The following TADA3 variants were observed in gnomAD, a reference collection of about 807,000 sequenced individuals.
TADA3 encodes the protein transcriptional adapter 3.
In TADA3, 25 loss-of-function variants were observed where a neutral mutation model predicts 43.2. The ratio of observed to expected loss-of-function variants is 0.58; its 90% CI spans 0.42 to 0.81. The LOEUF (loss-of-function observed/expected upper bound fraction) is 0.81. Ranked by LOEUF, TADA3 falls within the 30% of genes least tolerant of loss-of-function variation. TADA3 has a pLI of 0.00. For missense variants in TADA3, 441 were observed against 567.8 expected (o/e 0.78, Z 2.27); for synonymous variants, 235 against 225.5 (o/e 1.04, Z -0.38).
chr3:9,791,005 T>C (rs2078717114), intron 2 of TADA3, among the ~76,000 whole-genome samples: 1 of 152,188 alleles, frequency 6.6e-6, no homozygotes, highest in Non-Finnish European at 1.5e-5. Flanking sequence ...CTCTAATGAC[T>C]AGCATAGGAC....
intron 6 of TADA3, among the ~76,000 whole-genome samples, chr3:9,786,489 G>C (rs181623704): frequency 3.0e-4 from 45 of 152,270 alleles, no homozygotes; most frequent in Admixed American, 1.1e-3. Flanking sequence ...AGGTCAACCA[G>C]CAGGTATAAA....
upstream of TADA3, chr3:9,792,689 A>T (rs2078769119): frequency 8.1e-7 from 1 of 1,233,316 alleles, no homozygotes; most frequent in Non-Finnish European, 1.0e-6. Flanking sequence ...AGCCCCGCCG[A>T]GCGCCAGGAG....
At chr3:9,789,068 T>C (rs918349827) in intron 4 of TADA3, among the ~76,000 whole-genome samples, 7 of 151,708 alleles carry the variant, frequency 4.6e-5, no homozygotes, top group Admixed American at 2.0e-4. Flanking sequence ...ATTCCTGAGC[T>C]CAAGCAATCT....
At chr3:9,781,403 C>T (rs1288281823) in intron 8 of TADA3, 1 of 426,530 alleles carries the variant, frequency 2.3e-6, no homozygotes, top group Admixed American at 2.4e-5. Context: ...TCATATGTTA[C>T]CCGTGAGGAA....
intron 7 of TADA3, among the ~76,000 whole-genome samples, chr3:9,784,524 G>A (rs909539714): frequency 2.6e-5 from 4 of 151,588 alleles, no homozygotes; most frequent in African/African-American, 4.9e-5. Context: ...CTAATCTTTT[G>A]CTACATATTA....
intron 6 of TADA3, among the ~76,000 whole-genome samples, 173 bp from the exon 7 acceptor site, chr3:9,785,598 A>C (rs1329891216): frequency 6.6e-6 from 1 of 152,216 alleles, no homozygotes; most frequent in Non-Finnish European, 1.5e-5. Flanking sequence ...CATTCTAGAA[A>C]TCCCTTTTAT....
intron 4 of TADA3, chr3:9,788,084 A>G (rs2078657075): frequency 8.7e-6 from 2 of 230,228 alleles, no homozygotes; most frequent in Non-Finnish European, 1.8e-5. Context: ...GATCCTGTAG[A>G]TAACGGGAGG....
intron 7 of TADA3, among the ~76,000 whole-genome samples, chr3:9,784,495 A>G (rs1575298196): frequency 6.6e-6 from 1 of 152,238 alleles, no homozygotes; most frequent in Non-Finnish European, 1.5e-5. Context: ...TATATTCCAG[A>G]TTTTGTTATA....
At chr3:9,790,019 T>G in intron 2 of TADA3, 56 bp from the exon 3 acceptor site, 24 of 1,515,946 alleles carry the variant, frequency 1.6e-5, no homozygotes, top group Non-Finnish European at 2.0e-5. Flanking sequence ...AGAATATCTC[T>G]TTCCTCTAGT....
In TADA3 at chr3:9,780,532, A is replaced by G; in HGVS notation, c.1124T>C (p.Val375Ala). Residue 375 changes from valine to alanine, a missense_variant, in exon 9 of 9, where the codon GTG (valine) becomes GCG (alanine). Coordinates refer to ENST00000301964, the MANE Select transcript of TADA3 (RefSeq NM_006354.5). ...HDLLRLAKEE[V>A]SRQELRQRVR... is the part of the protein sequence containing the mutation. ...CCGCTGCCTCAGCTCCTGCCGGCTC[A>G]CCTCCTCCTTTGCCAGCCTGTGGGG... The G allele has an allele frequency of 6.2e-7, 1 of 1,601,114 alleles. No homozygotes were observed. The highest frequency in any genetic ancestry group is 1.1e-5 in the South Asian group (1 of 90,766).
intron 2 of TADA3, 38 bp from the exon 3 acceptor site, chr3:9,790,001 G>A: frequency 1.3e-6 from 2 of 1,543,888 alleles, no homozygotes; most frequent in Non-Finnish European, 1.7e-6. Flanking sequence ...GGGGAGAAGG[G>A]AAAACACAGA....
At chr3:9,784,345 G>C in intron 7 of TADA3, 132 bp from the exon 8 acceptor site, 8 of 1,181,262 alleles carry the variant, frequency 6.8e-6, no homozygotes, top group Non-Finnish European at 9.2e-6. Flanking sequence ...TATCTATCCA[G>C]ATACAAAGGG....
Position 9,784,093 on chromosome 3 carries a change from G to T in TADA3, c.1041C>A (p.Arg347=). The T allele has an allele frequency of 6.2e-7, 1 of 1,614,202 alleles. No homozygotes were observed. Among genetic ancestry groups the T allele is most frequent in the Non-Finnish European group, 8.5e-7 (1 of 1,180,024 alleles). The change falls in exon 8 of 9, where the codon CGC becomes CGA. Residue 347 remains arginine (R), a synonymous_variant. Coordinates refer to ENST00000301964, the MANE Select transcript of TADA3 (RefSeq NM_006354.5). ...DSEDEVLAEL[R]KRQAELKALS... is the part of the protein sequence containing the mutation. ...GTGCCTTCAGCTCAGCCTGCCGTTT[G>T]CGAAGCTCAGCAAGGACCTCATCCT...
rs758880193 is a variant in TADA3 at position 9,787,245 on chromosome 3, G to C, written c.660C>G (p.Asp220Glu). 2 of 1,614,222 alleles carry C rather than the reference G, an allele frequency of 1.2e-6. No individual in the cohort carries two copies. Among genetic ancestry groups the C allele is most frequent in the South Asian group, 1.1e-5 (1 of 91,090 alleles). The change falls in exon 5 of 9, where the codon GAC (aspartate) becomes GAG (glutamate). Residue 220 changes from aspartate (D) to glutamate (E), a missense_variant. Transcript: ENST00000301964. ...KDGARAAAVA[D>E]KKKGLMGPLT... ...GTGGCCCCATGAGGCCTTTCTTCTTGTCAGCCACAGCCGCTGCCCGGGCCC... is the reference window on the plus strand; with the variant it reads ...GTGGCCCCATGAGGCCTTTCTTCTTCTCAGCCACAGCCGCTGCCCGGGCCC...
chr3:9,783,236 GAC>G (rs1378409071), intron 8 of TADA3: 1 of 151,350 alleles, frequency 6.6e-6, no homozygotes, highest in Non-Finnish European at 1.5e-5. Context: ...AGCATGAAAA[GAC>G]AAAAAATAAA....
At chr3:9,785,167 G>A (rs781135006) in intron 7 of TADA3, 149 bp downstream of exon 7, 7 of 591,192 alleles carry the variant, frequency 1.2e-5, no homozygotes, top group African/African-American at 3.7e-5. Context: ...ATGCAGACAC[G>A]CTGGGTCATC....
chr3:9,787,652 C>T (rs2078647378), intron 4 of TADA3: 1 of 1,386,764 alleles, frequency 7.2e-7, no homozygotes, highest in African/African-American at 1.4e-5. Flanking sequence ...AATTAGGAGC[C>T]TTCAGGTCAC....
At chr3:9,792,896 TTAAA>T (rs1339608621), upstream of TADA3, 6 of 1,395,922 alleles carry the variant, frequency 4.3e-6, no homozygotes, top group East Asian at 2.9e-5. Context: ...CTGGAGGAGC[TTAAA>T]TAGTGACTCG....
chr3:9,780,084 A>T lies in TADA3; in HGVS notation c.*273T>A. 2 of 358,304 alleles carry T rather than the reference A, an allele frequency of 5.6e-6. No homozygotes were observed. The highest frequency in any genetic ancestry group is 1.0e-5 in the Non-Finnish European group (2 of 198,060). The allele number at this position is 358,304 out of a possible 1,614,324, so 22.2% of individuals were successfully genotyped here. On this transcript the variant is annotated 3_prime_UTR_variant, in exon 9 of 9. Transcript: ENST00000301964. ...GGGATTAGGGAGTGGGGGATGGTAA[A>T]GAGGGGAAGAGGAAGACCCAGAAAC... is the stretch of plus-strand genomic sequence containing the variant.
Sources: allele counts gnomAD v4.1 joint callset (sites outside exome capture counted in the v4.1 genomes callset), GRCh38; gene constraint gnomAD v4.1.1; transcripts MANE v1.5; gene names NCBI Gene and HGNC (gene_info 2026-07-23, HGNC 2026-07-21).